The following SRSF2 variants were observed in gnomAD, a reference collection of about 807,000 sequenced individuals.
SRSF2 encodes serine/arginine-rich splicing factor 2.
SRSF2 carries 4 observed loss-of-function variants against 15.7 expected under a neutral mutation model. The observed-to-expected ratio is 0.26, with a 90% CI of 0.13 to 0.58. SRSF2 has a LOEUF of 0.58. Among genes scored for constraint, SRSF2 ranks in the 20% least tolerant of loss-of-function variants. The pLI is 0.90. For missense variants in SRSF2, 147 were observed against 332.4 expected, an observed-to-expected ratio of 0.44 and a Z score of 4.34; for synonymous variants, 192 against 138.9, an observed-to-expected ratio of 1.38 and a Z score of -2.69.
chr17:76,737,295 G>T lies in SRSF2; in HGVS notation c.-135C>A, dbSNP rs575429768. Reference sequence around the variant, plus strand: ...AAAGGCCTTGCCGCAGAACAGCACGGACGGGCTCCGCAGGCTAGCGCACCT... The same window carrying T: ...AAAGGCCTTGCCGCAGAACAGCACGTACGGGCTCCGCAGGCTAGCGCACCT... On this transcript the variant is annotated 5_prime_UTR_variant, in exon 1 of 3. Coordinates refer to ENST00000359995, the MANE Select transcript of SRSF2 (RefSeq NM_001195427.2). 624 of 1,254,996 alleles carry T rather than the reference G, an allele frequency of 5.0e-4. No homozygotes were observed. Among genetic ancestry groups the T allele is most frequent in the Non-Finnish European group, 5.9e-4 (551 of 935,378 alleles). The allele number at this position is 1,254,996 out of a possible 1,614,324, so 77.7% of individuals were successfully genotyped here. A position where few individuals can be genotyped will look rare whatever the true frequency, so the allele number is the denominator to read the frequency against.
chr17:76,735,446 T>A (rs1294834240), intron 2 of SRSF2: 1 of 225,230 alleles, frequency 4.4e-6, no homozygotes, highest in East Asian at 6.4e-5. Context: ...CAACTCGAGA[T>A]CAGAGAATTG....
chr17:76,737,014 G>A lies in SRSF2; in HGVS notation c.147C>T (p.Arg49=). 1 of 1,613,454 alleles carries A rather than the reference G, an allele frequency of 6.2e-7. No homozygotes were observed. ...RVGDVYIPRD[R]YTKESRGFAF... ...CGAAGCCGCGGGACTCCTTGGTGTA[G>A]CGGTCCCGCGGGATGTACACGTCGC... is the stretch of plus-strand genomic sequence containing the variant. Residue 49 remains arginine, a synonymous_variant, in exon 1 of 3, where the codon CGC becomes CGT. Transcript: ENST00000359995.
At chr17:76,735,725 A>AT (rs1314643324) in intron 2 of SRSF2, 1 of 323,106 alleles carries the variant, frequency 3.1e-6, no homozygotes, top group African/African-American at 2.1e-5. Context: ...AGTTGAACTG[A>AT]TTGTTTCTCT....
chr17:76,736,539 C>T (rs764657547), intron 1 of SRSF2, 75 bp from the exon 2 acceptor site: 1 of 1,497,434 alleles, frequency 6.7e-7, no homozygotes, highest in Non-Finnish European at 8.9e-7. Flanking sequence ...CGCTCCCGCC[C>T]AGGCCGCCAT....
rs2077515739 is a variant in SRSF2 at position 76,736,731 on chromosome 17, T to G, written c.362+68A>C. 7 of 1,382,400 alleles carry G rather than the reference T, an allele frequency of 5.1e-6. No homozygotes were observed. In the East Asian group the frequency reaches 2.0e-4, roughly 40 times the overall value. The allele number at this position is 1,382,400 out of a possible 1,614,324, so 85.6% of individuals were successfully genotyped here. A position where few individuals can be genotyped will look rare whatever the true frequency, so the allele number is the denominator to read the frequency against. On this transcript the variant is annotated intron_variant, in intron 1 of 2. Transcript: ENST00000359995. ...CGCACCACGTGCTTCGCCGCGGACC[T>G]TTGTGAGGTCGCCCGGGCCTCCCGC...
chr17:76,737,369 C>G, upstream of SRSF2: 5 of 574,802 alleles, frequency 8.7e-6, no homozygotes. Flanking sequence ...TTATATCGCT[C>G]CTCACAAAAT....
At chr17:76,736,036 A>C (rs1024502788) in intron 2 of SRSF2, 118 bp downstream of exon 2, 5 of 1,032,914 alleles carry the variant, frequency 4.8e-6, no homozygotes, top group East Asian at 2.4e-5. Context: ...AAGGTGAGTA[A>C]CCTCCGAGCA....
intron 1 of SRSF2, 106 bp downstream of exon 1, chr17:76,736,692 GC>G: frequency 7.8e-7 from 1 of 1,289,726 alleles, no homozygotes; most frequent in Non-Finnish European, 9.9e-7. Flanking sequence ...GTGCACCCCC[GC>G]CCCGTCCGGG....
chr17:76,736,728 A>G, intron 1 of SRSF2, 71 bp downstream of exon 1: 1 of 1,367,118 alleles, frequency 7.3e-7, no homozygotes, highest in Non-Finnish European at 9.4e-7. Context: ...TTCGCCGCGG[A>G]CCTTTGTGAG....
In SRSF2 at chr17:76,736,260, G is replaced by GGACCGA. The variant is rs2077461564; in HGVS notation, c.561_566dup (p.Arg190_Ser191dup). Reference sequence around the variant, plus strand: ...TCTTGGACACTGGGGGAGGACTCCTGGACCGAGACCGGGACCTGGACCGCG... The same window carrying GGACCGA: ...TCTTGGACACTGGGGGAGGACTCCTGGACCGAGACCGAGACCGGGACCTGGACCGCG... On this transcript the variant is annotated inframe_insertion, in exon 2 of 3. Transcript: ENST00000359995. 1 of 1,614,178 alleles carries GGACCGA rather than the reference G, an allele frequency of 6.2e-7. No individual in the cohort carries two copies. Among genetic ancestry groups the GGACCGA allele is most frequent in the Non-Finnish European group, 8.5e-7 (1 of 1,180,022 alleles).
At position 76,736,452 on chromosome 17, in the gene SRSF2, A is replaced by G; in HGVS notation, c.375T>C (p.Arg125=). The part of the protein sequence containing the change: ...YGRRSRSPRR[R]RRSRSRSRSR... ...TCCGACTCCGGGATCGGCTGCGGCG[A>G]CGCCGCCTAGGGCTGCGGGCGGGAC... is the stretch of plus-strand genomic sequence containing the variant. The change falls in exon 2 of 3, where the codon CGT becomes CGC. Residue 125 remains arginine (R), a synonymous_variant. Transcript: ENST00000359995. 1.2e-6 allele frequency: 2 copies of G among 1,611,778 alleles called. No individual in the cohort carries two copies. The highest frequency in any genetic ancestry group is 3.3e-5 in the Admixed American group (2 of 59,994).
chr17:76,736,793 G>T lies in SRSF2; in HGVS notation c.362+6C>A. 1 of 1,542,942 alleles carries T rather than the reference G, an allele frequency of 6.5e-7. No homozygotes were observed. On this transcript the variant is annotated splice_donor_region_variant and intron_variant, in intron 1 of 2. Coordinates refer to ENST00000359995, the MANE Select transcript of SRSF2 (RefSeq NM_001195427.2). ...CGCCTCCCGCGGTCCCCTCAGCCCC[G>T]TTTACCTGCGGCTCCGGCGTCCGTA...
At position 76,736,138 on chromosome 17, in the gene SRSF2, G is replaced by A. The variant is rs764896469; in HGVS notation, c.*7+16C>T. On this transcript the variant is annotated intron_variant, in intron 2 of 2. Transcript: ENST00000359995. Reference sequence around the variant, plus strand: ...TTATGAATTAGGGTTATGTGTCTCGGATTCCCAGACATTACCATTTTCTTA... The same window carrying A: ...TTATGAATTAGGGTTATGTGTCTCGAATTCCCAGACATTACCATTTTCTTA... 6.4e-6 allele frequency: 10 copies of A among 1,573,868 alleles called. No individual in the cohort carries two copies. Among genetic ancestry groups the A allele is most frequent in the African/African-American group, 1.4e-5 (1 of 73,536 alleles).
intron 2 of SRSF2, 107 bp downstream of exon 2, chr17:76,736,047 G>C (rs1234966048): frequency 4.4e-6 from 5 of 1,126,570 alleles, no homozygotes; most frequent in South Asian, 1.5e-5. Context: ...CCTCCGAGCA[G>C]CACTCCTAAT....
intron 2 of SRSF2, chr17:76,735,876 C>T (rs2077438013): frequency 3.5e-6 from 2 of 570,264 alleles, no homozygotes; most frequent in Admixed American, 2.6e-5. Context: ...GAGACCGCAG[C>T]TTTAAAGGGG....
At chr17:76,736,597 C>A (rs1480014067) in intron 1 of SRSF2, 133 bp from the exon 2 acceptor site, 2 of 1,173,180 alleles carry the variant, frequency 1.7e-6, no homozygotes, top group Non-Finnish European at 2.3e-6. Context: ...CGGGGTCCTC[C>A]GCCCCGCGCC....
chr17:76,737,364 T>C (rs975491391), upstream of SRSF2: 12 of 599,434 alleles, frequency 2.0e-5, no homozygotes, highest in East Asian at 3.4e-4. Flanking sequence ...CCCGTTTATA[T>C]CGCTCCTCAC....
chr17:76,737,128 C>T lies in SRSF2; in HGVS notation c.33G>A (p.Glu11=), dbSNP rs1452226582. 8.1e-6 allele frequency: 13 copies of T among 1,598,438 alleles called. No homozygotes were observed. The South Asian group carries it at 1.3e-4, about 16-fold the overall frequency. The change falls in exon 1 of 3, where the codon GAG becomes GAA. Residue 11 remains glutamate, a synonymous_variant. Coordinates refer to ENST00000359995, the MANE Select transcript of SRSF2 (RefSeq NM_001195427.2). ...TGTCCACCTTGAGGGAGGTCATACC[C>T]TCCACATCGGGAGGGGGGCGGCCGT... MSYGRPPPDV[E]GMTSLKVDNL...
In SRSF2 at chr17:76,734,990, CATAAA is replaced by C. The variant is rs1305895587; in HGVS notation, c.*171_*175del. On this transcript the variant is annotated 3_prime_UTR_variant, in exon 3 of 3. Transcript: ENST00000359995. ...TTTGAATAACAGCAACAAAATGGCA[CATAAA>C]ATGAAGTTTGCCAACTGAGGCAAAG... is the stretch of plus-strand genomic sequence containing the variant. The C allele has an allele frequency of 4.5e-6, 1 of 223,718 alleles. No individual in the cohort carries two copies. The highest frequency in any genetic ancestry group is 2.2e-5 in the African/African-American group (1 of 44,718). 13.9% of individuals were successfully genotyped at this position (223,718 alleles called of 1,614,324 possible).
Sources: gnomAD v4.1 joint callset for allele counts on GRCh38, gnomAD v4.1.1 for gene constraint, MANE v1.5 for transcripts, NCBI Gene and HGNC (gene_info 2026-07-23, HGNC 2026-07-21) for gene names.